The following ZCCHC7 variants were observed in gnomAD, a reference collection of about 807,000 sequenced individuals.
ZCCHC7 encodes the protein zinc finger CCHC domain-containing protein 7.
A neutral mutation model predicts 52.0 loss-of-function variants in ZCCHC7; 35 were observed. The ratio of observed to expected loss-of-function variants is 0.67; its 90% CI spans 0.51 to 0.89. The LOEUF is 0.89. ZCCHC7 is among the 40% of genes least tolerant of loss of function. The pLI, the probability that ZCCHC7 is intolerant of heterozygous loss-of-function variation, is 0.00. For missense variants in ZCCHC7, 574 were observed against 649.1 expected, an observed-to-expected ratio of 0.88 and a Z score of 1.26; for synonymous variants, 217 against 221.5, an observed-to-expected ratio of 0.98 and a Z score of 0.18.
Position 37,357,321 on chromosome 9 carries a change from C to T in ZCCHC7, c.*53C>T. The T allele has an allele frequency of 1.3e-6, 2 of 1,484,414 alleles. No individual in the cohort carries two copies. The highest frequency in any genetic ancestry group is 1.8e-6 in the Non-Finnish European group (2 of 1,108,970). The allele number at this position is 1,484,414 out of a possible 1,614,324, so 92.0% of individuals were successfully genotyped here. On this transcript the variant is annotated 3_prime_UTR_variant, in exon 9 of 9. Coordinates refer to ENST00000336755, the MANE Select transcript of ZCCHC7 (RefSeq NM_032226.3). ...TTCATTGTTCATTTGGCCTTTGTGT[C>T]TATAACCTTCTGGCACTGTGTTTAT...
intron 2 of ZCCHC7, among the ~76,000 whole-genome samples, chr9:37,154,527 G>C (rs1820704964): frequency 6.6e-6 from 1 of 152,112 alleles, no homozygotes; most frequent in African/African-American, 2.4e-5. Flanking sequence ...TCGTCACCTA[G>C]GTTGGAGTGC....
intron 2 of ZCCHC7, among the ~76,000 whole-genome samples, chr9:37,295,527 G>C (rs1238287291): frequency 6.6e-6 from 1 of 152,134 alleles, no homozygotes; most frequent in Non-Finnish European, 1.5e-5. Context: ...TTCATAATCT[G>C]GGTAAGATAT....
chr9:37,342,220 G>A (rs1324246379), intron 6 of ZCCHC7, among the ~76,000 whole-genome samples: 1 of 152,132 alleles, frequency 6.6e-6, no homozygotes, highest in Non-Finnish European at 1.5e-5. Context: ...CTGGGTATGA[G>A]GTATAAGCAA....
chr9:37,252,601 A>G (rs945935071), intron 2 of ZCCHC7, among the ~76,000 whole-genome samples: 12 of 152,226 alleles, frequency 7.9e-5, no homozygotes, highest in Non-Finnish European at 1.5e-4. Flanking sequence ...TTTCTATTCA[A>G]TGTAAAAGTG....
rs1333145980 is a variant in ZCCHC7 at position 37,243,912 on chromosome 9, T to G, written c.611-58276T>G. Among the ~76,000 whole-genome samples the G allele has an allele frequency of 4.6e-5, 7 of 151,874 alleles. No homozygotes were observed. In the East Asian group the frequency reaches 1.3e-3, roughly 29 times the overall value. On this transcript the variant is annotated intron_variant, in intron 2 of 8. Coordinates refer to ENST00000336755, the MANE Select transcript of ZCCHC7 (RefSeq NM_032226.3). ...GGATTTTTACGTAGTAGTAACAATTTGCTGTAAAATTGTATGGTCTGAGGA... is the reference window on the plus strand; with the variant it reads ...GGATTTTTACGTAGTAGTAACAATTGGCTGTAAAATTGTATGGTCTGAGGA...
At chr9:37,190,031 A>T (rs1470108828) in intron 2 of ZCCHC7, among the ~76,000 whole-genome samples, 2 of 152,042 alleles carry the variant, frequency 1.3e-5, no homozygotes, top group Non-Finnish European at 2.9e-5. Flanking sequence ...CCCTCTTTAT[A>T]CTTCCAGCTA....
chr9:37,256,866 A>G (rs913889388), intron 2 of ZCCHC7, among the ~76,000 whole-genome samples: 6 of 152,230 alleles, frequency 3.9e-5, no homozygotes, highest in Non-Finnish European at 8.8e-5. Context: ...CAATTGAATT[A>G]CTGTTTTCTT....
intron 2 of ZCCHC7, among the ~76,000 whole-genome samples, chr9:37,183,778 TAAAG>T (rs1372011610): frequency 1.3e-5 from 2 of 152,164 alleles, no homozygotes; most frequent in Non-Finnish European, 2.9e-5. Flanking sequence ...CATTTATAAA[TAAAG>T]AAATAGGTGT....
At chr9:37,315,431 T>TA (rs201599784) in intron 5 of ZCCHC7, among the ~76,000 whole-genome samples, 9 of 106,146 alleles carry the variant, frequency 8.5e-5, no homozygotes, top group African/African-American at 2.1e-4. Context: ...GTTGACTTGA[T>TA]AAAAAAAATC....
intron 2 of ZCCHC7, chr9:37,186,712 G>T: frequency 5.2e-6 from 3 of 580,618 alleles, no homozygotes; most frequent in Admixed American, 2.7e-5. Context: ...TTCCTTGCAG[G>T]CCAAGAATAA....
intron 2 of ZCCHC7, among the ~76,000 whole-genome samples, chr9:37,171,952 C>T (rs1013675146): frequency 6.6e-6 from 1 of 152,050 alleles, no homozygotes; most frequent in South Asian, 2.1e-4. Context: ...TAGCAGTTTA[C>T]TCTATTCATG....
At chr9:37,258,140 C>A (rs146037394) in intron 2 of ZCCHC7, among the ~76,000 whole-genome samples, 2 of 152,220 alleles carry the variant, frequency 1.3e-5, no homozygotes, top group East Asian at 1.9e-4. Context: ...CATCATACCC[C>A]CCTTGAGCAG....
intron 2 of ZCCHC7, among the ~76,000 whole-genome samples, chr9:37,286,540 C>T (rs1036025350): frequency 4.0e-5 from 6 of 151,790 alleles, no homozygotes; most frequent in Non-Finnish European, 5.9e-5. Context: ...CTCAGCTACT[C>T]GGGAGGCCAA....
chr9:37,284,547 C>CA (rs1287451708), intron 2 of ZCCHC7, among the ~76,000 whole-genome samples: 1 of 151,656 alleles, frequency 6.6e-6, no homozygotes, highest in Non-Finnish European at 1.5e-5. Flanking sequence ...TTTATCAGGA[C>CA]ATATTATATG....
At chr9:37,280,858 T>C (rs966345764) in intron 2 of ZCCHC7, among the ~76,000 whole-genome samples, 1 of 152,084 alleles carries the variant, frequency 6.6e-6, no homozygotes, top group African/African-American at 2.4e-5. Flanking sequence ...AGCCTTGGCC[T>C]CCCAGACTCA....
chr9:37,249,561 C>T (rs1173655191), intron 2 of ZCCHC7, among the ~76,000 whole-genome samples: 2 of 148,696 alleles, frequency 1.3e-5, no homozygotes, highest in Admixed American at 6.8e-5. Flanking sequence ...AAGCAATTCT[C>T]CTGCCTCAGC....
At chr9:37,191,556 CTGAT>C (rs1331130579) in intron 2 of ZCCHC7, among the ~76,000 whole-genome samples, 2 of 152,164 alleles carry the variant, frequency 1.3e-5, no homozygotes, top group African/African-American at 2.4e-5. Flanking sequence ...AGTTTGAACT[CTGAT>C]TGAGAGACTA....
At chr9:37,194,601 TTGA>T (rs1823191052) in intron 2 of ZCCHC7, among the ~76,000 whole-genome samples, 2 of 152,282 alleles carry the variant, frequency 1.3e-5, no homozygotes, top group East Asian at 3.9e-4. Context: ...AAGTGATGTA[TTGA>T]TGATTTTCAT....
At position 37,316,868 on chromosome 9, in the gene ZCCHC7, C is replaced by CTTTT. The variant is rs34953424; in HGVS notation, c.952-10919_952-10916dup. Among the ~76,000 whole-genome samples, 342 of 140,286 alleles carry CTTTT rather than the reference C, an allele frequency of 2.4e-3. 4 individuals carry two copies. The highest frequency in any genetic ancestry group is 8.6e-3 in the African/African-American group (322 of 37,632). 92.0% of individuals were successfully genotyped at this position (140,286 alleles called of 152,430 possible). A position where few individuals can be genotyped will look rare whatever the true frequency, so the allele number is the denominator to read the frequency against. On this transcript the variant is annotated intron_variant, in intron 5 of 8. Coordinates refer to ENST00000336755, the MANE Select transcript of ZCCHC7 (RefSeq NM_032226.3). ...TACTGGTGGGATTTCACATAAGCCT[C>CTTTT]TTTTTTTTTTTTTTTAATATACCAA...
Sources: gnomAD v4.1 joint callset for allele counts (sites outside exome capture counted in the v4.1 genomes callset) on GRCh38, gnomAD v4.1.1 for gene constraint, MANE v1.5 for transcripts, NCBI Gene and HGNC (gene_info 2026-07-23, HGNC 2026-07-21) for gene names.